CPT1A: variants seen among roughly 807,000 people sequenced by gnomAD.
The protein encoded by CPT1A is carnitine O-palmitoyltransferase 1, liver isoform.
Under a neutral mutation model 100.8 loss-of-function variants are expected in CPT1A, and 64 were observed. That is an observed-to-expected ratio of 0.63 (90% CI 0.52 to 0.78). The LOEUF is 0.78. Among genes scored for constraint, CPT1A ranks in the 30% least tolerant of loss-of-function variants. CPT1A has a pLI of 0.00. For missense variants in CPT1A, 802 were observed against 1,034.1 expected, an observed-to-expected ratio of 0.78 and a Z score of 3.08; for synonymous variants, 363 against 396.0, an observed-to-expected ratio of 0.92 and a Z score of 0.99.
At position 68,812,424 on chromosome 11, in the gene CPT1A, C is replaced by T; in HGVS notation, c.281+13G>A. 2 of 1,614,172 alleles carry T rather than the reference C, an allele frequency of 1.2e-6. No homozygotes were observed. Among genetic ancestry groups the T allele is most frequent in the African/African-American group, 1.3e-5 (1 of 75,032 alleles). On this transcript the variant is annotated intron_variant, in intron 3 of 18. Coordinates refer to ENST00000265641, the MANE Select transcript of CPT1A (RefSeq NM_001876.4). ...ACTTCCCAGACAATTGGAGATTTCA[C>T]AGGATTACTTACGCCGTTTCCAGAG...
intron 1 of CPT1A, chr11:68,818,653 A>ACTC (rs1487865685): frequency 6.6e-6 from 1 of 152,478 alleles, no homozygotes; most frequent in African/African-American, 2.4e-5. Context: ...GAGTCCAGGA[A>ACTC]CTCAAGACCA....
chr11:68,842,042 CGGGTGCTCGCGTCCTCG>C, upstream of CPT1A: 1 of 860,184 alleles, frequency 1.2e-6, no homozygotes, highest in Non-Finnish European at 1.4e-6. Flanking sequence ...GAGGCTCGAG[CGGGTGCTCGCGTCCTCG>C]ACCTCTGCCG....
At chr11:68,822,754 A>T (rs970548301) in intron 1 of CPT1A, among the ~76,000 whole-genome samples, 2 of 151,960 alleles carry the variant, frequency 1.3e-5, no homozygotes, top group African/African-American at 4.8e-5. Context: ...TTCAGCAATG[A>T]AAAGGAATGG....
At chr11:68,825,594 A>T (rs1339187850) in intron 1 of CPT1A, among the ~76,000 whole-genome samples, 1 of 152,170 alleles carries the variant, frequency 6.6e-6, no homozygotes, top group Non-Finnish European at 1.5e-5. Flanking sequence ...CCAACCCAAC[A>T]GGATTTTTAT....
intron 6 of CPT1A, 24 bp downstream of exon 6, chr11:68,799,194 G>GA (rs1566366745): frequency 8.4e-7 from 1 of 1,183,516 alleles, no homozygotes; most frequent in Admixed American, 2.1e-5. Flanking sequence ...ATTTCATCAA[G>GA]AAAAACTGTG....
Position 68,757,288 on chromosome 11 carries a change from T to C in CPT1A, c.*356A>G. 8.6e-7 allele frequency: 1 copy of C among 1,168,578 alleles called. No homozygotes were observed. The highest frequency in any genetic ancestry group is 2.0e-5 in the South Asian group (1 of 48,910). 72.4% of individuals were successfully genotyped at this position (1,168,578 alleles called of 1,614,324 possible). A position where few individuals can be genotyped will look rare whatever the true frequency, so the allele number is the denominator to read the frequency against. ...TGCCCTTAAGCACTAGGCCTTCGGT[T>C]GCCACTGAGAAAGCACACCATTTCC... On this transcript the variant is annotated 3_prime_UTR_variant, in exon 19 of 19. Coordinates refer to ENST00000265641, the MANE Select transcript of CPT1A (RefSeq NM_001876.4).
chr11:68,816,916 T>TG (rs1856420941), intron 1 of CPT1A, among the ~76,000 whole-genome samples: 2 of 10,810 alleles, frequency 1.9e-4, no homozygotes, highest in Non-Finnish European at 6.5e-4. Context: ...GTGTGTGTGG[T>TG]GTGTGTGTGG....
chr11:68,844,133 C>CGT, upstream of CPT1A: 1 of 152,410 alleles, frequency 6.6e-6, no homozygotes, highest in East Asian at 1.9e-4. Context: ...GACGCCGAGG[C>CGT]GCCACGCTCA....
At chr11:68,840,170 C>A (rs984529277) in intron 1 of CPT1A, among the ~76,000 whole-genome samples, 1 of 152,190 alleles carries the variant, frequency 6.6e-6, no homozygotes, top group Non-Finnish European at 1.5e-5. Context: ...CTGATAGTCC[C>A]CAGACCAACT....
At chr11:68,766,254 G>T (rs1304631976) in intron 14 of CPT1A, among the ~76,000 whole-genome samples, 5 of 151,882 alleles carry the variant, frequency 3.3e-5, no homozygotes, top group African/African-American at 1.2e-4. Flanking sequence ...AAGGACCCCT[G>T]AGAAGGGGTC....
intron 6 of CPT1A, among the ~76,000 whole-genome samples, chr11:68,797,451 G>A (rs559423975): frequency 1.3e-5 from 2 of 152,018 alleles, no homozygotes; most frequent in Admixed American, 6.6e-5. Context: ...CAGGAAGATC[G>A]CTTGATGCCA....
At chr11:68,789,854 C>T (rs1855567178) in intron 9 of CPT1A, among the ~76,000 whole-genome samples, 2 of 152,164 alleles carry the variant, frequency 1.3e-5, no homozygotes, top group African/African-American at 4.8e-5. Context: ...ACATATTAAC[C>T]CTGTTCTCTG....
intron 15 of CPT1A, 74 bp from the exon 16 acceptor site, chr11:68,761,761 C>T (rs1257182254): frequency 3.9e-5 from 60 of 1,525,658 alleles, no homozygotes; most frequent in Middle Eastern, 3.7e-4. Context: ...AGTTAGCCAC[C>T]GCACCCGGCT....
At chr11:68,807,156 G>A (rs913031788) in intron 4 of CPT1A, among the ~76,000 whole-genome samples, 4 of 152,076 alleles carry the variant, frequency 2.6e-5, no homozygotes, top group Admixed American at 2.6e-4. Context: ...CTGACAACAA[G>A]TGAGTCAAGA....
intron 13 of CPT1A, chr11:68,773,651 G>A: frequency 1.5e-6 from 1 of 651,634 alleles, no homozygotes; most frequent in East Asian, 3.3e-5. Flanking sequence ...TCTGACATGA[G>A]CAGGCCAGGA....
chr11:68,815,543 A>C (rs1856361830), intron 1 of CPT1A, 56 bp from the exon 2 acceptor site: 3 of 1,558,624 alleles, frequency 1.9e-6, no homozygotes, highest in South Asian at 1.1e-5. Flanking sequence ...GACACTAAAA[A>C]ACCCTCATAC....
At position 68,763,616 on chromosome 11, in the gene CPT1A, G is replaced by C. The variant is rs112109632; in HGVS notation, c.1741-855C>G. Among the ~76,000 whole-genome samples the C allele has an allele frequency of 3.2e-4, 49 of 152,218 alleles. 1 individual carries two copies. The Middle Eastern group carries it at 0.01, about 32-fold the overall frequency. ...CTCGGGTGGGCTGGCAGATGCACAGGGAAGGTCTCTTCCAAAAGCTCCTGT... is the reference window on the plus strand; with the variant it reads ...CTCGGGTGGGCTGGCAGATGCACAGCGAAGGTCTCTTCCAAAAGCTCCTGT... On this transcript the variant is annotated intron_variant, in intron 14 of 18. Transcript: ENST00000265641.
At chr11:68,804,430 T>C (rs146691339) in intron 4 of CPT1A, among the ~76,000 whole-genome samples, 2 of 151,842 alleles carry the variant, frequency 1.3e-5, no homozygotes, top group African/African-American at 4.8e-5. Flanking sequence ...ACCCCACCTC[T>C]ACAAAAAATT....
At chr11:68,820,647 A>G (rs1299961137) in intron 1 of CPT1A, among the ~76,000 whole-genome samples, 1 of 152,138 alleles carries the variant, frequency 6.6e-6, no homozygotes, top group East Asian at 1.9e-4. Context: ...GCACCACTGC[A>G]CTTCAGCCTG....
Sources: gnomAD v4.1 joint callset for allele counts (sites outside exome capture counted in the v4.1 genomes callset) on GRCh38, gnomAD v4.1.1 for gene constraint, MANE v1.5 for transcripts, NCBI Gene and HGNC (gene_info 2026-07-23, HGNC 2026-07-21) for gene names.